RSU1: variants seen among roughly 807,000 people sequenced by gnomAD.
RSU1 encodes the protein rsu-1.
RSU1 carries 26 observed loss-of-function variants against 31.1 expected under a neutral mutation model. That is an observed-to-expected ratio of 0.84 (90% confidence interval 0.61 to 1.16). The LOEUF is 1.16. Ranked by LOEUF, RSU1 falls within the 50% of genes most tolerant of loss-of-function variation. The probability of loss-of-function intolerance (pLI) is 0.00; values close to 1 mark genes in which losing one functional copy is unlikely to be tolerated. For synonymous variants in RSU1, 164 were observed against 136.3 expected, an observed-to-expected ratio of 1.20 and a Z score of -1.41; for missense variants, 320 against 339.1, an observed-to-expected ratio of 0.94 and a Z score of 0.44.
chr10:16,741,119 A>G (rs552906036), intron 7 of RSU1, among the ~76,000 whole-genome samples: 3 of 152,350 alleles, frequency 2.0e-5, no homozygotes, highest in African/African-American at 7.2e-5. Flanking sequence ...AGACATATAA[A>G]TAAGTGAAAT....
At chr10:16,762,767 G>A (rs571352663) in intron 4 of RSU1, among the ~76,000 whole-genome samples, 125 of 152,212 alleles carry the variant, frequency 8.2e-4, no homozygotes, top group African/African-American at 2.9e-3. Context: ...AGTAATCCCA[G>A]CACTTTGGGA....
intron 3 of RSU1, among the ~76,000 whole-genome samples, chr10:16,778,262 C>T (rs1409756707): frequency 3.9e-5 from 6 of 151,994 alleles, no homozygotes; most frequent in South Asian, 2.1e-4. Context: ...GAAATGAGCA[C>T]ACAACGAGTA....
chr10:16,789,269 A>G (rs1410390939), intron 2 of RSU1, among the ~76,000 whole-genome samples: 5 of 152,208 alleles, frequency 3.3e-5, no homozygotes, highest in Non-Finnish European at 7.3e-5. Context: ...CGATCACACC[A>G]CTAGAATGTA....
At chr10:16,771,818 CAT>C (rs1164529741) in intron 3 of RSU1, among the ~76,000 whole-genome samples, 6 of 152,170 alleles carry the variant, frequency 3.9e-5, no homozygotes, top group South Asian at 2.1e-4. Context: ...TATTTAAAAA[CAT>C]AAAGTTTATG....
chr10:16,634,320 A>G (rs1043937085), intron 8 of RSU1, among the ~76,000 whole-genome samples: 2 of 152,224 alleles, frequency 1.3e-5, no homozygotes, highest in African/African-American at 4.8e-5. Flanking sequence ...AAAGTAATAG[A>G]GGCAAATGTT....
chr10:16,654,833 A>T (rs1345663613), intron 8 of RSU1, among the ~76,000 whole-genome samples: 1 of 151,094 alleles, frequency 6.6e-6, no homozygotes, highest in African/African-American at 2.4e-5. Context: ...CCAAGGTGGG[A>T]GGATCACTTG....
At chr10:16,791,620 T>G (rs1307548805) in intron 2 of RSU1, among the ~76,000 whole-genome samples, 2 of 135,252 alleles carry the variant, frequency 1.5e-5, no homozygotes, top group Non-Finnish European at 3.1e-5. Flanking sequence ...AGAGCGAGAC[T>G]CCGTCTCAAA....
intron 7 of RSU1, among the ~76,000 whole-genome samples, chr10:16,729,393 A>AG (rs1333312587): frequency 1.3e-5 from 2 of 152,182 alleles, no homozygotes; most frequent in African/African-American, 4.8e-5. Flanking sequence ...TGGGTGTGGC[A>AG]GGAAGTTTCA....
rs564578452 is a variant in RSU1, at chr10:16,768,362, G to A, written c.161-3852C>T. Among the ~76,000 whole-genome samples, 3 of 152,264 alleles carry A rather than the reference G, an allele frequency of 2.0e-5. No homozygotes were observed. The East Asian group carries it at 5.8e-4, about 29-fold the overall frequency. On this transcript the variant is annotated intron_variant, in intron 3 of 8. Transcript: ENST00000345264. Reference sequence around the variant, plus strand: ...TGGCTTTAAATAATTCAACAAATGGGGCTCTCAATTAGGAAGCTTAGTCAT... The same window carrying A: ...TGGCTTTAAATAATTCAACAAATGGAGCTCTCAATTAGGAAGCTTAGTCAT...
At chr10:16,814,695 G>A (rs1472571842) in intron 2 of RSU1, among the ~76,000 whole-genome samples, 1 of 152,088 alleles carries the variant, frequency 6.6e-6, no homozygotes, top group Non-Finnish European at 1.5e-5. Context: ...GATGGAATCT[G>A]CAAATCTCCA....
chr10:16,671,100 G>C (rs1218952635), intron 8 of RSU1, among the ~76,000 whole-genome samples: 1 of 152,088 alleles, frequency 6.6e-6, no homozygotes, highest in East Asian at 1.9e-4. Flanking sequence ...TGACTGAAAT[G>C]AAAGAACCTT....
intron 2 of RSU1, among the ~76,000 whole-genome samples, chr10:16,798,438 G>T (rs1013030804): frequency 2.6e-5 from 4 of 152,158 alleles, no homozygotes; most frequent in East Asian, 1.9e-4. Flanking sequence ...AATCATGGGG[G>T]TGGTTTCCCC....
chr10:16,619,355 G>A (rs1424014674), intron 8 of RSU1, among the ~76,000 whole-genome samples: 2 of 152,220 alleles, frequency 1.3e-5, no homozygotes, highest in African/African-American at 4.8e-5. Context: ...GAGAGCTGAT[G>A]GTGACATGAT....
At chr10:16,630,996 C>T (rs71493263) in intron 8 of RSU1, among the ~76,000 whole-genome samples, 1 of 152,204 alleles carries the variant, frequency 6.6e-6, no homozygotes, top group Non-Finnish European at 1.5e-5. Context: ...CCAAAAGTTT[C>T]CTGGCTTAAT....
intron 2 of RSU1, among the ~76,000 whole-genome samples, chr10:16,814,505 A>G (rs1042609232): frequency 2.0e-5 from 3 of 151,800 alleles, no homozygotes; most frequent in African/African-American, 4.8e-5. Flanking sequence ...TAATGTAGCC[A>G]TGTGAAGTAT....
rs1564357246 is a variant in RSU1 at position 16,785,431 on chromosome 10, T to TATATATACACACATATATACATATATAC, written c.110-3348_110-3347insGTATATATGTATATATGTGTGTATATAT. Among the ~76,000 whole-genome samples the TATATATACACACATATATACATATATAC allele has an allele frequency of 6.2e-5, 8 of 128,006 alleles. 1 individual carries two copies. Among genetic ancestry groups the TATATATACACACATATATACATATATAC allele is most frequent in the African/African-American group, 7.9e-5 (2 of 25,356 alleles). 84.0% of individuals were successfully genotyped at this position (128,006 alleles called of 152,430 possible). A position where few individuals can be genotyped will look rare whatever the true frequency, so the allele number is the denominator to read the frequency against. ...CTATATATATATACATATATACATA[T>TATATATACACACATATATACATATATAC]ATATATATACACATATATACATATA... On this transcript the variant is annotated intron_variant, in intron 2 of 8. Transcript: ENST00000345264.
Position 16,648,776 on chromosome 10 carries a change from TTAAATAAATAAA to T in RSU1, c.731+46235_731+46246del, listed in dbSNP as rs10533045. On this transcript the variant is annotated intron_variant, in intron 8 of 8. Coordinates refer to ENST00000345264, the MANE Select transcript of RSU1 (RefSeq NM_012425.4). The stretch of plus-strand genomic sequence containing the variant: ...GTTTATTGTTGAAAACCAAGATACT[TTAAATAAATAAA>T]TAAATAAATAAATAAATAAATAAAT... Among the ~76,000 whole-genome samples the T allele has an allele frequency of 6.7e-4, 100 of 148,718 alleles. 2 individuals are homozygous for T. The East Asian group carries it at 0.01, about 15-fold the overall frequency.
At position 16,752,936 on chromosome 10, in the gene RSU1, C is replaced by T. The variant is rs1267270686; in HGVS notation, c.465G>A (p.Lys155=). Residue 155 remains lysine (K), a synonymous_variant, in exon 6 of 9, where the codon AAG becomes AAA. Coordinates refer to ENST00000345264, the MANE Select transcript of RSU1 (RefSeq NM_012425.4). The part of the protein sequence containing the change: ...DFEILPPDIG[K]LTKLQILSLR... ...TACTTACTATCTGCAACTTTGTGAG[C>T]TTCCCAATATCTGGCGGCAGGATTT... The T allele has an allele frequency of 1.1e-5, 18 of 1,613,830 alleles. No homozygotes were observed. The highest frequency in any genetic ancestry group is 2.7e-5 in the African/African-American group (2 of 74,916).
chr10:16,790,619 CAT>C (rs1837892552), intron 2 of RSU1, among the ~76,000 whole-genome samples: 1 of 152,126 alleles, frequency 6.6e-6, no homozygotes, highest in South Asian at 2.1e-4. Context: ...ACAGGGAAGG[CAT>C]ATGATAGGGT....
Sources: gnomAD v4.1 joint callset for allele counts (sites outside exome capture counted in the v4.1 genomes callset) on GRCh38, gnomAD v4.1.1 for gene constraint, MANE v1.5 for transcripts, NCBI Gene and HGNC (gene_info 2026-07-23, HGNC 2026-07-21) for gene names.